Variants in NCAM2 observed in about 807,000 individuals in gnomAD.
NCAM2 encodes N-CAM-2.
A neutral mutation model predicts 98.1 loss-of-function variants in NCAM2; 30 were observed. The observed-to-expected ratio is 0.31, with a 90% CI of 0.23 to 0.41. The LOEUF is 0.41. Ranked by LOEUF, NCAM2 falls within the 10% of genes least tolerant of loss-of-function variation. The probability of loss-of-function intolerance (pLI) is 1.00; values close to 1 mark genes in which losing one functional copy is unlikely to be tolerated. For missense variants in NCAM2, 867 were observed against 1,005.8 expected (o/e 0.86, Z 1.87); for synonymous variants, 368 against 342.4 (o/e 1.07, Z -0.83).
chr21:21,039,776 C>T (rs2064867660), intron 1 of NCAM2, among the ~76,000 whole-genome samples: 1 of 152,110 alleles, frequency 6.6e-6, no homozygotes, highest in Admixed American at 6.5e-5. Context: ...GCCGGAGGGT[C>T]ACTTATGTGA....
intron 9 of NCAM2, among the ~76,000 whole-genome samples, chr21:21,400,028 G>C (rs2076595646): frequency 6.6e-6 from 1 of 152,102 alleles, no homozygotes; most frequent in Admixed American, 6.5e-5. Flanking sequence ...AGGCAGGGAG[G>C]GGGCATTTAT....
chr21:21,398,978 A>G (rs968588870), intron 9 of NCAM2, among the ~76,000 whole-genome samples: 1 of 152,178 alleles, frequency 6.6e-6, no homozygotes, highest in African/African-American at 2.4e-5. Context: ...AAAGTACCAT[A>G]TTAAGTCAGT....
At chr21:21,040,673 A>C (rs966778528) in intron 1 of NCAM2, among the ~76,000 whole-genome samples, 1 of 152,296 alleles carries the variant, frequency 6.6e-6, no homozygotes, top group African/African-American at 2.4e-5. Context: ...AAGTAAAATA[A>C]GTCAGGCACA....
chr21:21,028,773 T>G (rs1478229594), intron 1 of NCAM2, among the ~76,000 whole-genome samples: 1 of 152,214 alleles, frequency 6.6e-6, no homozygotes, highest in African/African-American at 2.4e-5. Flanking sequence ...TAAAAATCAG[T>G]GTTTCCATAT....
At chr21:21,189,102 G>T (rs1331291581) in intron 1 of NCAM2, among the ~76,000 whole-genome samples, 1 of 152,140 alleles carries the variant, frequency 6.6e-6, no homozygotes, top group African/African-American at 2.4e-5. Context: ...ACTCACTTCT[G>T]TATTGTACAA....
At chr21:21,518,889 G>C (rs1367425855) in intron 16 of NCAM2, among the ~76,000 whole-genome samples, 1 of 152,106 alleles carries the variant, frequency 6.6e-6, no homozygotes, top group Non-Finnish European at 1.5e-5. Flanking sequence ...GTAGTGATAA[G>C]CACTAAATGA....
intron 1 of NCAM2, among the ~76,000 whole-genome samples, chr21:21,233,890 A>G (rs1261895947): frequency 6.6e-6 from 1 of 151,834 alleles, no homozygotes; most frequent in African/African-American, 2.4e-5. Flanking sequence ...ATAATATTAT[A>G]TACCATTATC....
intron 12 of NCAM2, among the ~76,000 whole-genome samples, chr21:21,434,139 T>C (rs111375886): frequency 2.0e-5 from 3 of 152,308 alleles, no homozygotes; most frequent in Admixed American, 1.3e-4. Context: ...ACTATGTTTA[T>C]AAAACTGAAA....
chr21:21,016,985 A>T (rs767352223), intron 1 of NCAM2, among the ~76,000 whole-genome samples: 32 of 152,186 alleles, frequency 2.1e-4, no homozygotes, highest in Non-Finnish European at 3.7e-4. Context: ...AAAGCTTATG[A>T]TATAAAAGAA....
intron 5 of NCAM2, among the ~76,000 whole-genome samples, chr21:21,306,535 T>G (rs1184022984): frequency 2.0e-5 from 3 of 152,104 alleles, no homozygotes; most frequent in Non-Finnish European, 4.4e-5. Context: ...CTTTTTTCCT[T>G]TCTTTTAATT....
Position 21,370,417 on chromosome 21 carries a change from A to G in NCAM2, c.1045-3446A>G, listed in dbSNP as rs575353836. 5.3e-5 allele frequency among the ~76,000 whole-genome samples: 8 copies of G among 152,036 alleles called. 1 individual carries two copies. Among genetic ancestry groups the G allele is most frequent in the South Asian group, 4.1e-4 (2 of 4,828 alleles). ...ATTGTACATGCCATCAAATGTTTCA[A>G]ACATCTTATTGGCATGTTTTGGTGT... On this transcript the variant is annotated intron_variant, in intron 8 of 17. Transcript: ENST00000400546.
intron 1 of NCAM2, among the ~76,000 whole-genome samples, chr21:21,257,266 G>A (rs1272738483): frequency 6.6e-6 from 1 of 152,166 alleles, no homozygotes; most frequent in African/African-American, 2.4e-5. Context: ...ACAAAGGCTG[G>A]TCACTGAAGT....
chr21:21,478,379 T>C (rs1471948773), intron 15 of NCAM2, among the ~76,000 whole-genome samples: 1 of 151,974 alleles, frequency 6.6e-6, no homozygotes, highest in Admixed American at 6.6e-5. Flanking sequence ...TGTCTTATTA[T>C]ATTAGAGTAT....
intron 1 of NCAM2, among the ~76,000 whole-genome samples, chr21:21,024,275 C>G (rs2064495928): frequency 6.6e-6 from 1 of 152,120 alleles, no homozygotes; most frequent in African/African-American, 2.4e-5. Context: ...ATATCAGTTC[C>G]TTTATGATAC....
rs77547323 is a variant in NCAM2 at position 21,477,250 on chromosome 21, T to C, written c.1897-41T>C. 1,045 of 1,467,286 alleles carry C rather than the reference T, an allele frequency of 7.1e-4. 8 individuals carry two copies. In the African/African-American group the frequency reaches 0.013, roughly 18 times the overall value. The allele number at this position is 1,467,286 out of a possible 1,614,324, so 90.9% of individuals were successfully genotyped here. A position where few individuals can be genotyped will look rare whatever the true frequency, so the allele number is the denominator to read the frequency against. ...TTTTTTTAAAAAGGTGTCACTTTAG[T>C]GTATGGATATTTACAAACTGCATTT... On this transcript the variant is annotated intron_variant, in intron 14 of 17. Transcript: ENST00000400546.
chr21:21,508,726 CTTAAA>C, intron 15 of NCAM2, 120 bp from the exon 16 acceptor site: 1 of 764,418 alleles, frequency 1.3e-6, no homozygotes, highest in Non-Finnish European at 1.9e-6. Flanking sequence ...TATTCTGTCT[CTTAAA>C]TTGAATTATT....
chr21:21,113,081 G>T lies in NCAM2; in HGVS notation c.55+114463G>T, dbSNP rs1021707201. On this transcript the variant is annotated intron_variant, in intron 1 of 17. Coordinates refer to ENST00000400546, the MANE Select transcript of NCAM2 (RefSeq NM_004540.5). ...TTTAGAATTTAAGACATATACCAGT[G>T]GTTCTCAAAGTGACAATATCCACCA... Among the ~76,000 whole-genome samples, 3 of 152,098 alleles carry T rather than the reference G, an allele frequency of 2.0e-5. No individual in the cohort carries two copies. The East Asian group carries it at 5.8e-4, about 29-fold the overall frequency.
At chr21:21,393,239 G>C (rs758323834) in intron 9 of NCAM2, among the ~76,000 whole-genome samples, 7 of 151,966 alleles carry the variant, frequency 4.6e-5, no homozygotes, top group Non-Finnish European at 8.8e-5. Flanking sequence ...CAAGTTTGTT[G>C]AAGATCAGGT....
chr21:21,254,341 A>C (rs902291030), intron 1 of NCAM2, among the ~76,000 whole-genome samples: 3 of 152,136 alleles, frequency 2.0e-5, no homozygotes, highest in Non-Finnish European at 4.4e-5. Context: ...CAGCCTATCT[A>C]CTCAGGTTTG....
Sources: allele counts gnomAD v4.1 joint callset (sites outside exome capture counted in the v4.1 genomes callset), GRCh38; gene constraint gnomAD v4.1.1; transcripts MANE v1.5; gene names NCBI Gene and HGNC (gene_info 2026-07-23, HGNC 2026-07-21).